KCNQ5: variants seen among roughly 807,000 people sequenced by gnomAD.
KCNQ5 encodes potassium voltage-gated channel subfamily KQT member 5.
In KCNQ5, 30 loss-of-function variants were observed where a neutral mutation model predicts 98.2. The observed-to-expected ratio is 0.31, with a 90% CI of 0.23 to 0.41. The LOEUF is 0.41. Ranked by LOEUF, KCNQ5 falls within the 10% of genes least tolerant of loss-of-function variation. The pLI is 1.00. For synonymous variants in KCNQ5, 458 were observed against 449.4 expected, an observed-to-expected ratio of 1.02 and a Z score of -0.24; for missense variants, 835 against 1,182.5, an observed-to-expected ratio of 0.71 and a Z score of 4.31.
At chr6:72,952,103 A>G (rs1766834434) in intron 1 of KCNQ5, among the ~76,000 whole-genome samples, 1 of 152,210 alleles carries the variant, frequency 6.6e-6, no homozygotes, top group Non-Finnish European at 1.5e-5. Context: ...AGAAGGATGG[A>G]TGGTGAAATG....
chr6:72,883,848 C>A (rs1778749318), intron 1 of KCNQ5, among the ~76,000 whole-genome samples: 1 of 152,084 alleles, frequency 6.6e-6, no homozygotes, highest in African/African-American at 2.4e-5. Context: ...TAAAATAAGG[C>A]AGATTAAGAA....
At chr6:73,171,677 G>A (rs1428542564) in intron 11 of KCNQ5, among the ~76,000 whole-genome samples, 1 of 152,156 alleles carries the variant, frequency 6.6e-6, no homozygotes, top group African/African-American at 2.4e-5. Context: ...ACAAAGAAAC[G>A]AAAGATTTCC....
intron 10 of KCNQ5, among the ~76,000 whole-genome samples, chr6:73,158,789 C>T (rs978674913): frequency 2.0e-5 from 3 of 152,160 alleles, no homozygotes; most frequent in Non-Finnish European, 4.4e-5. Context: ...TTATAATCAA[C>T]ATAAGTAGTT....
chr6:72,790,904 G>A (rs1774000690), intron 1 of KCNQ5, among the ~76,000 whole-genome samples: 1 of 152,118 alleles, frequency 6.6e-6, no homozygotes, highest in African/African-American at 2.4e-5. Flanking sequence ...GTTTTTGTTT[G>A]TTTGTTGTTT....
chr6:72,825,739 A>G (rs1182132045), intron 1 of KCNQ5, among the ~76,000 whole-genome samples: 2 of 152,176 alleles, frequency 1.3e-5, no homozygotes, highest in East Asian at 3.9e-4. Flanking sequence ...GCCACCTAGC[A>G]ATAGTTGTTA....
intron 1 of KCNQ5, among the ~76,000 whole-genome samples, chr6:72,849,779 A>C (rs1430405666): frequency 6.6e-6 from 1 of 152,148 alleles, no homozygotes; most frequent in Non-Finnish European, 1.5e-5. Context: ...TGAAACATTG[A>C]TCCTGTCAGG....
intron 1 of KCNQ5, among the ~76,000 whole-genome samples, chr6:72,756,837 A>T (rs1337991348): frequency 2.0e-5 from 3 of 152,120 alleles, no homozygotes; most frequent in Non-Finnish European, 4.4e-5. Flanking sequence ...ATTTATATAT[A>T]TACAAATGAA....
chr6:72,866,258 T>A (rs969605794), intron 1 of KCNQ5, among the ~76,000 whole-genome samples: 8 of 148,500 alleles, frequency 5.4e-5, no homozygotes, highest in Middle Eastern at 3.2e-3. Flanking sequence ...CTCCCTTTTT[T>A]TTTTTTTTTT....
At chr6:72,955,066 C>T (rs1766979125) in intron 1 of KCNQ5, among the ~76,000 whole-genome samples, 1 of 152,202 alleles carries the variant, frequency 6.6e-6, no homozygotes, top group Non-Finnish European at 1.5e-5. Context: ...GCAGTTAAGT[C>T]AGTAGCATCA....
intron 1 of KCNQ5, among the ~76,000 whole-genome samples, chr6:72,824,792 T>C (rs1775915067): frequency 6.6e-6 from 1 of 151,750 alleles, no homozygotes; most frequent in African/African-American, 2.4e-5. Context: ...TCTCTGTGTG[T>C]GTGTGTGTGT....
At chr6:72,943,129 TC>T (rs1212809820) in intron 1 of KCNQ5, among the ~76,000 whole-genome samples, 3 of 152,252 alleles carry the variant, frequency 2.0e-5, no homozygotes, top group African/African-American at 7.2e-5. Context: ...CATGTTATTT[TC>T]TCACCCTTTT....
rs376466352 is a variant in KCNQ5, at chr6:72,819,055, A to C, written c.399-184853A>C. On this transcript the variant is annotated intron_variant, in intron 1 of 13. Coordinates refer to ENST00000370398, the MANE Select transcript of KCNQ5 (RefSeq NM_019842.4). The stretch of plus-strand genomic sequence containing the variant: ...TTATTTCATGATTTGAAAATCTTAA[A>C]AGTTAGTAAGATGTGCACTAGATGT... 3.9e-3 allele frequency among the ~76,000 whole-genome samples: 589 copies of C among 152,042 alleles called. 3 individuals carry two copies. Among genetic ancestry groups the C allele is most frequent in the Non-Finnish European group, 4.6e-3 (313 of 67,950 alleles).
chr6:72,785,510 C>T (rs897271679), intron 1 of KCNQ5, among the ~76,000 whole-genome samples: 3 of 151,972 alleles, frequency 2.0e-5, no homozygotes, highest in African/African-American at 7.3e-5. Context: ...ATTAGCTGGA[C>T]ATGATGGTGG....
chr6:73,096,201 C>T (rs986050341), intron 5 of KCNQ5, among the ~76,000 whole-genome samples: 4 of 152,060 alleles, frequency 2.6e-5, no homozygotes. Flanking sequence ...GAGACTAAGC[C>T]AGTCTTGGGA....
At chr6:73,030,306 C>G (rs1771083501) in intron 2 of KCNQ5, among the ~76,000 whole-genome samples, 1 of 152,110 alleles carries the variant, frequency 6.6e-6, no homozygotes, top group Non-Finnish European at 1.5e-5. Flanking sequence ...GTTAACAGGG[C>G]CTCCTGTCAG....
At chr6:72,658,347 C>T (rs978694759) in intron 1 of KCNQ5, among the ~76,000 whole-genome samples, 1 of 151,074 alleles carries the variant, frequency 6.6e-6, no homozygotes, top group Non-Finnish European at 1.5e-5. Context: ...GTGGCATGGT[C>T]TTGGCTCACT....
intron 1 of KCNQ5, among the ~76,000 whole-genome samples, chr6:72,902,483 A>T (rs547991836): frequency 6.6e-6 from 1 of 152,198 alleles, no homozygotes; most frequent in African/African-American, 2.4e-5. Context: ...TGGGTTTGTC[A>T]TACATGACTT....
chr6:72,644,803 A>G (rs934470031), intron 1 of KCNQ5, among the ~76,000 whole-genome samples: 6 of 151,966 alleles, frequency 3.9e-5, no homozygotes, highest in Non-Finnish European at 5.9e-5. Context: ...CACCATCACT[A>G]TCATCGTCAT....
At chr6:73,111,224 A>T (rs1054202703) in intron 6 of KCNQ5, 84 bp from the exon 7 acceptor site, 3 of 890,376 alleles carry the variant, frequency 3.4e-6, no homozygotes, top group African/African-American at 3.4e-5. Flanking sequence ...CTTCTCTCAG[A>T]CTCATTTTAG....
Sources: gnomAD v4.1 joint callset for allele counts (sites outside exome capture counted in the v4.1 genomes callset) on GRCh38, gnomAD v4.1.1 for gene constraint, MANE v1.5 for transcripts, NCBI Gene and HGNC (gene_info 2026-07-23, HGNC 2026-07-21) for gene names.